Variants in PSEN2 observed in about 807,000 individuals in gnomAD.
The protein encoded by PSEN2 is presenilin 2.
In PSEN2, 32 loss-of-function variants were observed where a neutral mutation model predicts 49.1. The ratio of observed to expected loss-of-function variants is 0.65; its 90% CI spans 0.49 to 0.88. The LOEUF (loss-of-function observed/expected upper bound fraction) is 0.88, where lower values mean the gene tolerates loss of function less well. Ranked by LOEUF, PSEN2 falls within the 40% of genes least tolerant of loss-of-function variation. PSEN2 has a pLI of 0.00. For missense variants in PSEN2, 522 were observed against 586.9 expected (o/e 0.89, Z 1.14); for synonymous variants, 255 against 244.0 (o/e 1.05, Z -0.42).
intron 2 of PSEN2, among the ~76,000 whole-genome samples, chr1:226,873,566 C>T (rs1027170895): frequency 1.3e-5 from 2 of 152,012 alleles, no homozygotes; most frequent in Admixed American, 6.6e-5. Flanking sequence ...CAGGTGCCTG[C>T]CACCACTCCC....
At chr1:226,897,915 A>G (rs185108304), downstream of PSEN2, 4 of 154,966 alleles carry the variant, frequency 2.6e-5, no homozygotes, top group Admixed American at 2.6e-4. Context: ...TTTTTAAAAT[A>G]TTGCATTCTG....
chr1:226,891,061 G>T (rs1661706558), intron 9 of PSEN2: 2 of 590,326 alleles, frequency 3.4e-6, no homozygotes, highest in Admixed American at 5.6e-5. Flanking sequence ...TTATGCTTTA[G>T]GAGGGGAGAC....
Position 226,896,007 on chromosome 1 carries a change from T to A in PSEN2, c.*428T>A, listed in dbSNP as rs1229353688. The A allele has an allele frequency of 4.0e-6, 1 of 251,460 alleles. No homozygotes were observed. Among genetic ancestry groups the A allele is most frequent in the African/African-American group, 2.2e-5 (1 of 45,160 alleles). 15.6% of individuals were successfully genotyped at this position (251,460 alleles called of 1,614,324 possible). Reference sequence around the variant, plus strand: ...ATGATGTCCTTGTTATTTTATTGCCTTTAGAAACTGAGTCCTGTTCTTGTT... The same window carrying A: ...ATGATGTCCTTGTTATTTTATTGCCATTAGAAACTGAGTCCTGTTCTTGTT... On this transcript the variant is annotated 3_prime_UTR_variant, in exon 13 of 13. Coordinates refer to ENST00000366783, the MANE Select transcript of PSEN2 (RefSeq NM_000447.3).
chr1:226,878,949 G>A (rs1422154545), intron 3 of PSEN2, among the ~76,000 whole-genome samples: 2 of 152,176 alleles, frequency 1.3e-5, no homozygotes. Flanking sequence ...GGGAAACCCT[G>A]GGTCCAGGCA....
At position 226,888,032 on chromosome 1, in the gene PSEN2, G is replaced by T. The variant is rs1023830249; in HGVS notation, c.499-59G>T. The T allele has an allele frequency of 6.6e-6, 9 of 1,367,156 alleles. No homozygotes were observed. In the African/African-American group the frequency reaches 1.3e-4, roughly 20 times the overall value. The allele number at this position is 1,367,156 out of a possible 1,614,324, so 84.7% of individuals were successfully genotyped here. On this transcript the variant is annotated intron_variant, in intron 6 of 12. Coordinates refer to ENST00000366783, the MANE Select transcript of PSEN2 (RefSeq NM_000447.3). ...TGGGTATCAGTCTCAGGATCCTGGGGGCCTTAGAATTTGTGGCGCTTGGGG... is the reference window on the plus strand; with the variant it reads ...TGGGTATCAGTCTCAGGATCCTGGGTGCCTTAGAATTTGTGGCGCTTGGGG...
chr1:226,895,591 T>C lies in PSEN2; in HGVS notation c.*12T>C. ...AGCTCTACATCTGAGGGACATGGTG[T>C]GCCACAGGCTGCAAGCTGCAGGGAA... On this transcript the variant is annotated 3_prime_UTR_variant, in exon 13 of 13. Coordinates refer to ENST00000366783, the MANE Select transcript of PSEN2 (RefSeq NM_000447.3). The C allele has an allele frequency of 6.2e-7, 1 of 1,607,720 alleles. No homozygotes were observed. Among genetic ancestry groups the C allele is most frequent in the South Asian group, 1.1e-5 (1 of 89,792 alleles).
rs117145200 is a variant in PSEN2, at chr1:226,895,266, C to A, written c.1192-158C>A. ...GTGAGAACTTCTGCCCTTAACACCT[C>A]AAGAGCTGTTGCAGGACCAGGGAAG... On this transcript the variant is annotated intron_variant, in intron 12 of 12. Transcript: ENST00000366783. Among the ~76,000 whole-genome samples the A allele has an allele frequency of 2.8e-4, 43 of 152,312 alleles. 1 individual carries two copies. The East Asian group carries it at 4.8e-3, about 17-fold the overall frequency.
At chr1:226,900,381 A>G (rs1455026210), downstream of PSEN2, among the ~76,000 whole-genome samples, 1 of 152,174 alleles carries the variant, frequency 6.6e-6, no homozygotes, top group African/African-American at 2.4e-5. Context: ...CTCTGTGGAC[A>G]ATTTTCATGC....
chr1:226,893,990 T>C lies in PSEN2; in HGVS notation c.1073-17T>C. 6.3e-7 allele frequency: 1 copy of C among 1,597,908 alleles called. No homozygotes were observed. The highest frequency in any genetic ancestry group is 8.6e-7 in the Non-Finnish European group (1 of 1,165,162). On this transcript the variant is annotated splice_polypyrimidine_tract_variant and intron_variant, in intron 11 of 12. Coordinates refer to ENST00000366783, the MANE Select transcript of PSEN2 (RefSeq NM_000447.3). ...TGCACGCCTCTTCAGTACGGGTTAC[T>C]GTCTCTCCTCACACAGGGGGCGTGA...
At chr1:226,890,172 A>G in intron 9 of PSEN2, 39 bp downstream of exon 9, 1 of 1,534,194 alleles carries the variant, frequency 6.5e-7, no homozygotes, top group Non-Finnish European at 9.0e-7. Flanking sequence ...ACTCGGGGTC[A>G]GCAGGCAGCC....
downstream of PSEN2, among the ~76,000 whole-genome samples, chr1:226,900,060 A>G (rs759838141): frequency 2.0e-5 from 3 of 152,232 alleles, no homozygotes; most frequent in East Asian, 5.8e-4. Context: ...ACCAATGCAG[A>G]TAATGAAGTT....
intron 10 of PSEN2, 27 bp from the exon 11 acceptor site, chr1:226,891,716 G>A (rs767982599): frequency 3.2e-6 from 5 of 1,567,298 alleles, no homozygotes; most frequent in Admixed American, 3.3e-5. Context: ...CGGTGATGAC[G>A]GACATCTTCT....
In PSEN2 at chr1:226,876,348, G is replaced by A. The variant is rs148721936; in HGVS notation, c.-21+798G>A. On this transcript the variant is annotated intron_variant, in intron 3 of 12. Transcript: ENST00000366783. Reference sequence around the variant, plus strand: ...CCTTCAGGAGCTAGGTAAATCAGAGGGGCTGAGGGACAAATGAAAAAAGTT... The same window carrying A: ...CCTTCAGGAGCTAGGTAAATCAGAGAGGCTGAGGGACAAATGAAAAAAGTT... Among the ~76,000 whole-genome samples the A allele has an allele frequency of 1.5e-4, 23 of 152,256 alleles. No individual in the cohort carries two copies. In the East Asian group the frequency reaches 4.0e-3, roughly 27 times the overall value.
chr1:226,873,076 C>T (rs1660410756), intron 2 of PSEN2, among the ~76,000 whole-genome samples: 1 of 152,006 alleles, frequency 6.6e-6, no homozygotes, highest in Non-Finnish European at 1.5e-5. Context: ...ACTCAGGAGG[C>T]TGAGGCAGGA....
At position 226,883,936 on chromosome 1, in the gene PSEN2, G is replaced by A; in HGVS notation, c.356+17G>A. 1.9e-6 allele frequency: 3 copies of A among 1,595,710 alleles called. No individual in the cohort carries two copies. The highest frequency in any genetic ancestry group is 2.2e-5 in the East Asian group (1 of 44,642). Reference sequence around the variant, plus strand: ...TGGACAGCTGTGAGTTGGGGGGCTGGGGGGAGCAGGGTGGGGTGAGGGCTG... The same window carrying A: ...TGGACAGCTGTGAGTTGGGGGGCTGAGGGGAGCAGGGTGGGGTGAGGGCTG... On this transcript the variant is annotated intron_variant, in intron 5 of 12. Transcript: ENST00000366783.
chr1:226,871,525 T>A (rs1242558523), intron 2 of PSEN2, 121 bp downstream of exon 2: 4 of 152,228 alleles, frequency 2.6e-5, no homozygotes, highest in African/African-American at 9.7e-5. Flanking sequence ...TTGAAAGGTA[T>A]GAACGGTGTT....
At position 226,888,159 on chromosome 1, in the gene PSEN2, G is replaced by T; in HGVS notation, c.566+1G>T. 6.2e-7 allele frequency: 1 copy of T among 1,610,642 alleles called. No individual in the cohort carries two copies. Among genetic ancestry groups the T allele is most frequent in the Non-Finnish European group, 8.5e-7 (1 of 1,176,858 alleles). On this transcript the variant is annotated splice_donor_variant, in intron 7 of 12. Transcript: ENST00000366783. LOFTEE classifies it high-confidence loss of function. ...TCCTCTTCACCTATATCTACCTTGG[G>T]TAAGTGACAGATAAGCAGCAGGGTC...
Position 226,883,056 on chromosome 1 carries a change from C to T in PSEN2, c.142-649C>T, listed in dbSNP as rs190951446. The stretch of plus-strand genomic sequence containing the variant: ...TTCCAAAACACAAATTCTTACAGAT[C>T]GGTTTGTGCTAGTGTCTGGCAGGTG... On this transcript the variant is annotated intron_variant, in intron 4 of 12. Coordinates refer to ENST00000366783, the MANE Select transcript of PSEN2 (RefSeq NM_000447.3). Among the ~76,000 whole-genome samples the T allele has an allele frequency of 1.8e-3, 279 of 152,318 alleles. 1 individual carries two copies. The highest frequency in any genetic ancestry group is 3.1e-3 in the Admixed American group (48 of 15,300).
At chr1:226,872,719 A>G (rs1660384605) in intron 2 of PSEN2, among the ~76,000 whole-genome samples, 1 of 152,158 alleles carries the variant, frequency 6.6e-6, no homozygotes, top group South Asian at 2.1e-4. Flanking sequence ...TTAGTTGGGG[A>G]CTGATAAGAC....
Sources: gnomAD v4.1 joint callset for allele counts (sites outside exome capture counted in the v4.1 genomes callset) on GRCh38, gnomAD v4.1.1 for gene constraint, MANE v1.5 for transcripts, NCBI Gene and HGNC (gene_info 2026-07-23, HGNC 2026-07-21) for gene names.